NOM1: variants seen among roughly 807,000 people sequenced by gnomAD.
NOM1 encodes the protein nucleolar protein with MIF4G domain 1.
Under a neutral mutation model 73.3 loss-of-function variants are expected in NOM1, and 58 were observed. The observed-to-expected ratio is 0.79, with a 90% CI of 0.64 to 0.99. NOM1 has a LOEUF of 0.99. Ranked by LOEUF, NOM1 falls within the 50% of genes least tolerant of loss-of-function variation. The pLI, the probability that NOM1 is intolerant of heterozygous loss-of-function variation, is 0.00. For missense variants in NOM1, 1,226 were observed against 1,131.9 expected, an observed-to-expected ratio of 1.08 and a Z score of -1.19; for synonymous variants, 487 against 446.8, an observed-to-expected ratio of 1.09 and a Z score of -1.14.
chr7:156,960,771 T>C (rs1804844642), intron 4 of NOM1, among the ~76,000 whole-genome samples: 1 of 152,134 alleles, frequency 6.6e-6, no homozygotes, highest in South Asian at 2.1e-4. Flanking sequence ...AGGTTGGAGT[T>C]TTCCTTCTGA....
At chr7:156,968,224 G>A (rs965828864) in intron 9 of NOM1, among the ~76,000 whole-genome samples, 2 of 152,150 alleles carry the variant, frequency 1.3e-5, no homozygotes, top group African/African-American at 2.4e-5. Context: ...CCTTTCGCTC[G>A]CCCAGGCATT....
intron 5 of NOM1, 21 bp from the exon 6 acceptor site, chr7:156,962,987 T>C: frequency 6.2e-7 from 1 of 1,602,450 alleles, no homozygotes; most frequent in Non-Finnish European, 8.5e-7. Context: ...AGCATTTCAT[T>C]AGCTCTTCTC....
At position 156,950,444 on chromosome 7, in the gene NOM1, G is replaced by A; in HGVS notation, c.707G>A (p.Gly236Asp). 6.2e-7 allele frequency: 1 copy of A among 1,614,066 alleles called. No individual in the cohort carries two copies. Among genetic ancestry groups the A allele is most frequent in the Non-Finnish European group, 8.5e-7 (1 of 1,179,924 alleles). The change falls in exon 1 of 11, where the codon GGT becomes GAT. Residue 236 changes from glycine to aspartate, a missense_variant. Physicochemically the swap from Gly to Asp is moderately conservative, Grantham distance 94. Transcript: ENST00000275820. ...AATAGCGGCTTGTACGACAGCAGTG[G>A]TGAGGAGGAGGAAGATGCCGGACAG... ...GKNSGLYDSS[G>D]EEEEDAGQTL... is the part of the protein sequence containing the mutation.
Position 156,950,563 on chromosome 7 carries a change from G to A in NOM1, c.826G>A (p.Ala276Thr). ...DVEKEKKAQE[A>T]EAQSEDDDED... Reference sequence around the variant, plus strand: ...AGAAAAGGAAAAGAAGGCGCAGGAAGCAGAAGCGCAGAGCGAGGACGACGA... The same window carrying A: ...AGAAAAGGAAAAGAAGGCGCAGGAAACAGAAGCGCAGAGCGAGGACGACGA... The change falls in exon 1 of 11, where the codon GCA becomes ACA. Residue 276 changes from alanine to threonine, a missense_variant. Coordinates refer to ENST00000275820, the MANE Select transcript of NOM1 (RefSeq NM_138400.2). The A allele has an allele frequency of 6.2e-7, 1 of 1,608,280 alleles. No homozygotes were observed. Among genetic ancestry groups the A allele is most frequent in the Admixed American group, 1.7e-5 (1 of 58,574 alleles).
chr7:156,960,686 G>GC (rs1285472594), intron 4 of NOM1, among the ~76,000 whole-genome samples: 1 of 152,190 alleles, frequency 6.6e-6, no homozygotes, highest in Admixed American at 6.5e-5. Context: ...CAGGTCTCTG[G>GC]TCCCTTGTTA....
intron 4 of NOM1, among the ~76,000 whole-genome samples, chr7:156,961,262 G>T (rs1206002415): frequency 2.0e-5 from 3 of 152,170 alleles, no homozygotes; most frequent in Admixed American, 2.0e-4. Flanking sequence ...TCCCCAGGAA[G>T]AATTCACGCC....
intron 3 of NOM1, among the ~76,000 whole-genome samples, chr7:156,959,261 C>T (rs1044799149): frequency 1.3e-5 from 2 of 148,534 alleles, no homozygotes; most frequent in African/African-American, 4.9e-5. Context: ...TGCCACCACG[C>T]CCGGCTAATT....
At chr7:156,955,117 A>G (rs1330693276) in intron 3 of NOM1, among the ~76,000 whole-genome samples, 3 of 152,128 alleles carry the variant, frequency 2.0e-5, no homozygotes, top group African/African-American at 7.2e-5. Context: ...AGCATCTGGC[A>G]CCCGACAGGT....
At position 156,950,301 on chromosome 7, in the gene NOM1, G is replaced by A. The variant is rs767041842; in HGVS notation, c.564G>A (p.Lys188=). 9 of 1,614,168 alleles carry A rather than the reference G, an allele frequency of 5.6e-6. No individual in the cohort carries two copies. Among genetic ancestry groups the A allele is most frequent in the Non-Finnish European group, 7.6e-6 (9 of 1,179,956 alleles). Residue 188 remains lysine, a synonymous_variant, in exon 1 of 11, where the codon AAG becomes AAA. Coordinates refer to ENST00000275820, the MANE Select transcript of NOM1 (RefSeq NM_138400.2). Reference sequence around the variant, plus strand: ...AGGAGGAGGACCGAGAGATCCGAAAGCTGGAGCGTTGCCTCGGTTTGAACA... The same window carrying A: ...AGGAGGAGGACCGAGAGATCCGAAAACTGGAGCGTTGCCTCGGTTTGAACA... The part of the protein sequence containing the change: ...ANEEEDREIR[K]LERCLGLNKR...
intron 3 of NOM1, among the ~76,000 whole-genome samples, chr7:156,954,522 CTTTTTTTT>C (rs34176770): frequency 4.9e-5 from 5 of 101,660 alleles, no homozygotes; most frequent in African/African-American, 1.6e-4. Context: ...TCTGTCCATT[CTTTTTTTT>C]TTTTTTTTTT....
intron 3 of NOM1, 100 bp downstream of exon 3, chr7:156,954,398 T>C (rs923451753): frequency 7.2e-5 from 69 of 964,402 alleles, no homozygotes; most frequent in Non-Finnish European, 9.9e-5. Context: ...TGGGTGGTTC[T>C]TGTGTCGATT....
chr7:156,952,190 A>T (rs1405868910), intron 1 of NOM1, among the ~76,000 whole-genome samples: 1 of 152,162 alleles, frequency 6.6e-6, no homozygotes, highest in Non-Finnish European at 1.5e-5. Flanking sequence ...TTGAGCAGAT[A>T]CCAGAGGTGC....
intron 7 of NOM1, among the ~76,000 whole-genome samples, chr7:156,964,889 C>T (rs932757193): frequency 3.3e-5 from 5 of 152,098 alleles, no homozygotes; most frequent in African/African-American, 1.2e-4. Flanking sequence ...CTCTAGTCAG[C>T]GGGTCTAGCT....
In NOM1 at chr7:156,954,295, C is replaced by T. The variant is rs115819862; in HGVS notation, c.1305C>T (p.Ile435=). The T allele has an allele frequency of 7.5e-6, 12 of 1,589,468 alleles. No individual in the cohort carries two copies. The East Asian group carries it at 2.2e-4, about 30-fold the overall frequency. ...LVSILHHTVG[I]EVGAHFLEAV... ...GCATCCTTCACCACACAGTTGGAAT[C>T]GAGGTACAGTTGTACCTTTTCTCCA... Residue 435 remains isoleucine (I), a synonymous_variant, in exon 3 of 11, where the codon ATC becomes ATT. Transcript: ENST00000275820.
intron 6 of NOM1, chr7:156,963,406 C>T (rs1232779920): frequency 1.2e-5 from 7 of 576,712 alleles, no homozygotes; most frequent in South Asian, 5.8e-5. Context: ...TTGAATGGCA[C>T]GGGGCAGGGG....
intron 4 of NOM1, 87 bp from the exon 5 acceptor site, chr7:156,962,064 C>A: frequency 1.9e-6 from 2 of 1,028,732 alleles, no homozygotes; most frequent in South Asian, 1.3e-5. Flanking sequence ...CCATGTGCAT[C>A]AGGTGTGGTA....
At chr7:156,952,328 T>G (rs1804614339) in intron 1 of NOM1, 146 bp from the exon 2 acceptor site, 1 of 818,350 alleles carries the variant, frequency 1.2e-6, no homozygotes, top group Non-Finnish European at 1.9e-6. Flanking sequence ...AAGCACTCAA[T>G]AAATCTGATG....
intron 5 of NOM1, among the ~76,000 whole-genome samples, chr7:156,962,623 C>G (rs552182085): frequency 6.6e-6 from 1 of 152,326 alleles, no homozygotes; most frequent in East Asian, 1.9e-4. Flanking sequence ...CTCTGACATG[C>G]AGCCAGGATG....
Position 156,970,506 on chromosome 7 carries a change from T to G in NOM1, c.*803T>G, listed in dbSNP as rs1456503215. ...TCACTGCAACCTCTACCTCCCGGGT[T>G]CAAGCGATTCTCCTGCCTCAGCCTC... On this transcript the variant is annotated 3_prime_UTR_variant, in exon 11 of 11. Transcript: ENST00000275820. 6.6e-6 allele frequency: 1 copy of G among 152,270 alleles called. No homozygotes were observed. Among genetic ancestry groups the G allele is most frequent in the Non-Finnish European group, 1.5e-5 (1 of 68,160 alleles). 9.4% of individuals were successfully genotyped at this position (152,270 alleles called of 1,614,324 possible).
Sources: allele counts gnomAD v4.1 joint callset (sites outside exome capture counted in the v4.1 genomes callset), GRCh38; gene constraint gnomAD v4.1.1; transcripts MANE v1.5; gene names NCBI Gene and HGNC (gene_info 2026-07-23, HGNC 2026-07-21).